The following PXK variants were observed in gnomAD, a reference collection of about 807,000 sequenced individuals.
PXK encodes the protein PX domain-containing protein kinase-like protein.
PXK carries 35 observed loss-of-function variants against 84.7 expected under a neutral mutation model. That is an observed-to-expected ratio of 0.41 (90% CI 0.32 to 0.55). The LOEUF (loss-of-function observed/expected upper bound fraction) is 0.55. Ranked by LOEUF, PXK falls within the 20% of genes least tolerant of loss-of-function variation. PXK has a pLI of 0.21. For synonymous variants in PXK, 253 were observed against 260.8 expected (o/e 0.97, Z 0.29); for missense variants, 634 against 699.7 (o/e 0.91, Z 1.06).
chr3:58,404,398 C>T (rs73837603), intron 13 of PXK, among the ~76,000 whole-genome samples: 2,635 of 152,212 alleles, frequency 0.017, 82 homozygotes, highest in African/African-American at 0.06. Context: ...TGCCTGTGCA[C>T]GGTAGGATGT....
intron 3 of PXK, among the ~76,000 whole-genome samples, chr3:58,381,857 G>A (rs1014056833): frequency 5.9e-5 from 9 of 152,104 alleles, no homozygotes; most frequent in Non-Finnish European, 1.2e-4. Context: ...AGACTCGAAC[G>A]TGGCTGTCTT....
intron 1 of PXK, among the ~76,000 whole-genome samples, chr3:58,334,196 A>T (rs2097547484): frequency 6.6e-6 from 1 of 152,192 alleles, no homozygotes; most frequent in Non-Finnish European, 1.5e-5. Context: ...TTAAAGTGAG[A>T]CTTTTTTGAA....
chr3:58,380,130 T>G (rs6804460), intron 3 of PXK, among the ~76,000 whole-genome samples: 114,899 of 152,040 alleles, frequency 0.76, 43,647 homozygotes, highest in South Asian at 0.82. Flanking sequence ...AAAGGCCAAA[T>G]AACTTAAGGA....
In PXK at chr3:58,398,268, G is replaced by A. The variant is rs2058023595; in HGVS notation, c.1102+546G>A. On this transcript the variant is annotated intron_variant, in intron 11 of 17. Transcript: ENST00000356151. The surrounding 1 kb of genome is among the most constrained non-coding windows in gnomAD (Gnocchi z 4.5). ...TTACAAAAATTAGCTGGGCGTGGAGGTGCATGCCTGTAATCCCAGCTTTTT... is the reference window on the plus strand; with the variant it reads ...TTACAAAAATTAGCTGGGCGTGGAGATGCATGCCTGTAATCCCAGCTTTTT... Among the ~76,000 whole-genome samples, 1 of 152,200 alleles carries A rather than the reference G, an allele frequency of 6.6e-6. No homozygotes were observed. Among genetic ancestry groups the A allele is most frequent in the Non-Finnish European group, 1.5e-5 (1 of 68,050 alleles).
At chr3:58,391,941 T>C (rs2098636072) in intron 7 of PXK, 94 bp downstream of exon 7, 2 of 1,167,752 alleles carry the variant, frequency 1.7e-6, no homozygotes, top group African/African-American at 3.1e-5. Flanking sequence ...GAAAACAGAA[T>C]GGGGAGATAC....
At chr3:58,404,220 C>T (rs947169360) in intron 13 of PXK, among the ~76,000 whole-genome samples, 23 of 152,182 alleles carry the variant, frequency 1.5e-4, no homozygotes, top group Non-Finnish European at 7.4e-5. Context: ...GAGGTCTTCT[C>T]CTGGGAAGCA....
intron 17 of PXK, chr3:58,423,608 A>G: frequency 6.7e-7 from 1 of 1,498,792 alleles, no homozygotes; most frequent in Non-Finnish European, 8.9e-7. Flanking sequence ...ATACAAACTT[A>G]AGTAGGGTAG....
At position 58,424,742 on chromosome 3, in the gene PXK, TCCTCCACAGGGATATCTGCATTA is replaced by T. The variant is rs781582373; in HGVS notation, c.1529-2_1549del. 2 of 1,612,364 alleles carry T rather than the reference TCCTCCACAGGGATATCTGCATTA, an allele frequency of 1.2e-6. No homozygotes were observed. The highest frequency in any genetic ancestry group is 2.2e-5 in the South Asian group (2 of 90,842). ...AGGTGAATACTGATTGTCCCCCTTT[TCCTCCACAGGGATATCTGCATTA>T]CCTCCACCTCCTCCACCTCCACCAC... On this transcript the variant is annotated splice_acceptor_variant and splice_polypyrimidine_tract_variant and coding_sequence_variant and intron_variant, in exon 18 of 18. Transcript: ENST00000356151. LOFTEE classifies it high-confidence loss of function.
chr3:58,348,926 T>C (rs1488040220), intron 1 of PXK, among the ~76,000 whole-genome samples: 1 of 150,724 alleles, frequency 6.6e-6, no homozygotes, highest in Admixed American at 6.6e-5. Context: ...TTTTTTTAAT[T>C]AATATGTTTT....
intron 3 of PXK, 22 bp from the exon 4 acceptor site, chr3:58,382,492 C>CTT (rs10662181): frequency 0.1 from 127,913 of 1,266,276 alleles, 679 homozygotes; most frequent in South Asian, 0.12. Context: ...ATGAGTGTAA[C>CTT]TTTTTTTTTT....
intron 1 of PXK, among the ~76,000 whole-genome samples, chr3:58,347,130 C>T (rs752109713): frequency 2.6e-5 from 4 of 152,174 alleles, no homozygotes; most frequent in Non-Finnish European, 4.4e-5. Flanking sequence ...TGTGAGCTAC[C>T]GTGCCCGGCC....
chr3:58,393,570 C>A (rs6770113), intron 7 of PXK, among the ~76,000 whole-genome samples: 44,602 of 151,800 alleles, frequency 0.29, 7,329 homozygotes, highest in Middle Eastern at 0.39. Flanking sequence ...ATAGAATTAT[C>A]ATTGGCTATA....
At chr3:58,391,603 G>C (rs967599214) in intron 6 of PXK, among the ~76,000 whole-genome samples, 170 bp from the exon 7 acceptor site, 2 of 152,180 alleles carry the variant, frequency 1.3e-5, no homozygotes, top group Admixed American at 6.5e-5. Context: ...AGTTAAGTCT[G>C]GTATTTTTAC....
Position 58,391,800 on chromosome 3 carries a change from T to A in PXK, c.568T>A (p.Ser190Thr), listed in dbSNP as rs35592368. The A allele has an allele frequency of 2.2e-5, 36 of 1,613,706 alleles. No individual in the cohort carries two copies. The African/African-American group carries it at 4.5e-4, about 20-fold the overall frequency. ...WADLGPDKYL[S>T]DKDFQCLIKL... ...TGACCTTGGCCCAGACAAGTATTTG[T>A]CAGATAAAGATTTTCAGTGTCTAAT... The change falls in exon 7 of 18, where the codon TCA becomes ACA. Residue 190 changes from serine to threonine, a missense_variant. Physicochemically the swap from Ser to Thr is moderately conservative, Grantham distance 58. This residue lies in a region of PXK where 353 missense variants were observed against 385.2 expected (regional missense o/e 0.92). Transcript: ENST00000356151.
intron 4 of PXK, 108 bp downstream of exon 4, chr3:58,382,808 A>G: frequency 1.2e-6 from 1 of 808,420 alleles, no homozygotes. Flanking sequence ...GGATGTGTAT[A>G]CATTTGTTAT....
chr3:58,418,076 C>T (rs1319407903), intron 17 of PXK, among the ~76,000 whole-genome samples: 1 of 152,196 alleles, frequency 6.6e-6, no homozygotes, highest in African/African-American at 2.4e-5. Flanking sequence ...GCCTTAGCCT[C>T]CCATAACAGT....
At chr3:58,381,075 C>T (rs576950165) in intron 3 of PXK, among the ~76,000 whole-genome samples, 3 of 152,062 alleles carry the variant, frequency 2.0e-5, no homozygotes, top group East Asian at 3.9e-4. Flanking sequence ...GGTGAAATCC[C>T]GTCTCTACTA....
In PXK at chr3:58,409,948, T is replaced by TCA; in HGVS notation, c.1396-142_1396-141insCA. ...TTTGGCTGTGACTTCTTCACTGTGT[T>TCA]AAGTTATGGGGCTGAATATTACCTT... is the stretch of plus-strand genomic sequence containing the variant. On this transcript the variant is annotated intron_variant, in intron 15 of 17. Coordinates refer to ENST00000356151, the MANE Select transcript of PXK (RefSeq NM_017771.5). This position sits in a 1 kb window ranked among gnomAD's most constrained non-coding sequence, Gnocchi z 4.2. 1.6e-6 allele frequency: 1 copy of TCA among 629,630 alleles called. No individual in the cohort carries two copies. The highest frequency in any genetic ancestry group is 2.8e-6 in the Non-Finnish European group (1 of 361,412). The allele number at this position is 629,630 out of a possible 1,614,324, so 39.0% of individuals were successfully genotyped here. A position where few individuals can be genotyped will look rare whatever the true frequency, so the allele number is the denominator to read the frequency against.
In PXK at chr3:58,414,867, G is replaced by A. The variant is rs2060732420; in HGVS notation, c.1528+1904G>A. On this transcript the variant is annotated intron_variant, in intron 17 of 17. Coordinates refer to ENST00000356151, the MANE Select transcript of PXK (RefSeq NM_017771.5). The surrounding 1 kb of genome is among the most constrained non-coding windows in gnomAD (Gnocchi z 4.5). ...ATTTGCCTGGCAACCTAGCATTTCA[G>A]GCCCTAAGCATTTCAACCCAAGGGA... is the stretch of plus-strand genomic sequence containing the variant. Among the ~76,000 whole-genome samples the A allele has an allele frequency of 6.6e-6, 1 of 152,086 alleles. No homozygotes were observed. Among genetic ancestry groups the A allele is most frequent in the Non-Finnish European group, 1.5e-5 (1 of 68,020 alleles).
Sources: allele counts gnomAD v4.1 joint callset (sites outside exome capture counted in the v4.1 genomes callset), GRCh38; gene constraint gnomAD v4.1.1; regional missense constraint gnomAD v4.1.1; non-coding constraint Gnocchi (gnomAD v3.1); transcripts MANE v1.5; gene names NCBI Gene and HGNC (gene_info 2026-07-23, HGNC 2026-07-21).